Variants in GALNT13 observed in about 807,000 individuals in gnomAD.
GALNT13 encodes the protein polypeptide N-acetylgalactosaminyltransferase 13.
In GALNT13, 28 loss-of-function variants were observed where a neutral mutation model predicts 64.2. The observed-to-expected ratio is 0.44, with a 90% CI of 0.32 to 0.60. The LOEUF (loss-of-function observed/expected upper bound fraction) is 0.60. Ranked by LOEUF, GALNT13 falls within the 20% of genes least tolerant of loss-of-function variation. The pLI is 0.05. For missense variants in GALNT13, 577 were observed against 669.8 expected (o/e 0.86, Z 1.53); for synonymous variants, 214 against 224.6 (o/e 0.95, Z 0.42).
intron 8 of GALNT13, among the ~76,000 whole-genome samples, chr2:154,265,516 T>G (rs1034291421): frequency 4.0e-4 from 61 of 151,950 alleles, no homozygotes; most frequent in Non-Finnish European, 6.2e-4. Flanking sequence ...CTAGCCAACA[T>G]GATGAAACCC....
the GALNT13 span, among the ~76,000 whole-genome samples, chr2:153,257,417 G>A: frequency 5.9e-5 from 9 of 152,120 alleles, no homozygotes; most frequent in East Asian, 3.9e-4. Context: ...CGTCTTCTGC[G>A]TGGCTCACAC....
chr2:153,400,316 A>G, the GALNT13 span, among the ~76,000 whole-genome samples: 16 of 152,202 alleles, frequency 1.1e-4, no homozygotes, highest in South Asian at 3.3e-3. Context: ...GTGCTGCTGG[A>G]TTCGTTTTGC....
chr2:154,382,372 C>A (rs1698312942), intron 9 of GALNT13, among the ~76,000 whole-genome samples: 1 of 151,994 alleles, frequency 6.6e-6, no homozygotes, highest in South Asian at 2.1e-4. Flanking sequence ...CTGAATGTTA[C>A]CCTTATTTAG....
chr2:153,231,726 T>C, the GALNT13 span, among the ~76,000 whole-genome samples: 2 of 152,330 alleles, frequency 1.3e-5, no homozygotes, highest in African/African-American at 4.8e-5. Flanking sequence ...ATTAGGATTA[T>C]TTAGACATTT....
At chr2:153,996,471 A>G (rs191082660) in intron 3 of GALNT13, among the ~76,000 whole-genome samples, 1 of 152,126 alleles carries the variant, frequency 6.6e-6, no homozygotes, top group Admixed American at 6.5e-5. Flanking sequence ...GGTCATTTGC[A>G]TGTCTTCTTT....
the GALNT13 span, among the ~76,000 whole-genome samples, chr2:153,592,523 T>G: frequency 3.9e-5 from 6 of 152,122 alleles, no homozygotes; most frequent in African/African-American, 1.2e-4. Flanking sequence ...CATAAAAGAA[T>G]GAAATTATGT....
At chr2:153,488,169 C>T in the GALNT13 span, among the ~76,000 whole-genome samples, 1 of 152,158 alleles carries the variant, frequency 6.6e-6, no homozygotes, top group Admixed American at 6.5e-5. Context: ...GTTTCAGTTT[C>T]TTCAGTTGTG....
the GALNT13 span, among the ~76,000 whole-genome samples, chr2:153,252,678 C>A: frequency 5.3e-5 from 8 of 152,310 alleles, no homozygotes; most frequent in Non-Finnish European, 1.0e-4. Flanking sequence ...CCAGTTTCAG[C>A]TTTCTCCATA....
Position 154,101,149 on chromosome 2 carries a change from T to C in GALNT13, c.143-39188T>C, listed in dbSNP as rs192746615. Among the ~76,000 whole-genome samples the C allele has an allele frequency of 9.5e-4, 139 of 146,848 alleles. 1 individual carries two copies. The highest frequency in any genetic ancestry group is 3.4e-3 in the African/African-American group (132 of 38,938). ...TTTTTGCATCTGTGTTTATCAGGGATATTTTTGTTGTTGTTGTTGTTGTTG... is the reference window on the plus strand; with the variant it reads ...TTTTTGCATCTGTGTTTATCAGGGACATTTTTGTTGTTGTTGTTGTTGTTG... On this transcript the variant is annotated intron_variant, in intron 3 of 12. Coordinates refer to ENST00000392825, the MANE Select transcript of GALNT13 (RefSeq NM_052917.4).
At chr2:154,411,122 A>G (rs936162172) in intron 11 of GALNT13, among the ~76,000 whole-genome samples, 2 of 151,874 alleles carry the variant, frequency 1.3e-5, no homozygotes, top group African/African-American at 4.8e-5. Flanking sequence ...GACATTGCCA[A>G]GAAATAATGA....
the GALNT13 span, among the ~76,000 whole-genome samples, chr2:153,211,824 C>T: frequency 6.6e-6 from 1 of 152,100 alleles, no homozygotes; most frequent in Non-Finnish European, 1.5e-5. Flanking sequence ...ACTAAGAGTC[C>T]AACATGAACA....
chr2:153,313,457 A>G, the GALNT13 span, among the ~76,000 whole-genome samples: 1 of 152,118 alleles, frequency 6.6e-6, no homozygotes, highest in African/African-American at 2.4e-5. Flanking sequence ...ACAGAAAACC[A>G]GTACCACATG....
the GALNT13 span, among the ~76,000 whole-genome samples, chr2:153,630,807 ATTTTTTTT>A: frequency 0.043 from 930 of 21,872 alleles, 36 homozygotes; most frequent in Non-Finnish European, 0.056. Context: ...ATATATATAT[ATTTTTTTT>A]TTTTTTTTTA....
At chr2:154,339,395 C>CA (rs1380964631) in intron 9 of GALNT13, among the ~76,000 whole-genome samples, 2 of 151,806 alleles carry the variant, frequency 1.3e-5, no homozygotes, top group South Asian at 2.1e-4. Context: ...TTCAGTGACT[C>CA]AAAAAAATAG....
chr2:153,983,010 A>G (rs926674352), intron 3 of GALNT13, among the ~76,000 whole-genome samples: 15 of 152,094 alleles, frequency 9.9e-5, no homozygotes, highest in Admixed American at 9.2e-4. Context: ...AACTATTTTT[A>G]TCTGGAGATA....
At chr2:154,335,865 A>T (rs1408651064) in intron 9 of GALNT13, among the ~76,000 whole-genome samples, 2 of 151,966 alleles carry the variant, frequency 1.3e-5, no homozygotes, top group African/African-American at 2.4e-5. Context: ...AACAAATATA[A>T]CCAAAAGAAG....
the GALNT13 span, among the ~76,000 whole-genome samples, chr2:153,078,457 G>A: frequency 4.6e-5 from 7 of 151,780 alleles, no homozygotes; most frequent in African/African-American, 1.7e-4. Context: ...GATTACAGGT[G>A]AGTGCCACCA....
the GALNT13 span, among the ~76,000 whole-genome samples, chr2:153,333,696 A>T: frequency 6.6e-6 from 1 of 152,248 alleles, no homozygotes; most frequent in African/African-American, 2.4e-5. Context: ...TGCCAGAAAC[A>T]TTATAACCAA....
intron 8 of GALNT13, among the ~76,000 whole-genome samples, chr2:154,272,500 A>G (rs971958869): frequency 2.6e-5 from 4 of 152,078 alleles, no homozygotes; most frequent in Non-Finnish European, 5.9e-5. Flanking sequence ...TTCCACGTGC[A>G]TGTTACCCTT....
Sources: allele counts gnomAD v4.1 joint callset (sites outside exome capture counted in the v4.1 genomes callset), GRCh38; gene constraint gnomAD v4.1.1; transcripts MANE v1.5; gene names NCBI Gene and HGNC (gene_info 2026-07-23, HGNC 2026-07-21).